The following TMEM200B variants were observed in gnomAD, a reference collection of about 807,000 sequenced individuals.
The protein encoded by TMEM200B is transmembrane protein 200B.
A neutral mutation model predicts 17.6 loss-of-function variants in TMEM200B; 12 were observed. That is an observed-to-expected ratio of 0.68 (90% CI 0.44 to 1.11). The LOEUF (loss-of-function observed/expected upper bound fraction) is 1.11. Ranked by LOEUF, TMEM200B falls within the 50% of genes least tolerant of loss-of-function variation. The pLI is 0.00. For synonymous variants in TMEM200B, 234 were observed against 209.2 expected (o/e 1.12, Z -1.02); for missense variants, 456 against 447.6 (o/e 1.02, Z -0.17).
intron 1 of TMEM200B, among the ~76,000 whole-genome samples, chr1:29,122,877 G>A (rs1671867763): frequency 6.6e-6 from 1 of 152,228 alleles, no homozygotes; most frequent in Non-Finnish European, 1.5e-5. Context: ...TGCTGGCCGC[G>A]CCCTGCCTGC....
At position 29,120,210 on chromosome 1, in the gene TMEM200B, C is replaced by T. The variant is rs1045206409; in HGVS notation, c.*695G>A. The T allele has an allele frequency of 6.6e-6, 1 of 152,592 alleles. No individual in the cohort carries two copies. The highest frequency in any genetic ancestry group is 2.4e-5 in the African/African-American group (1 of 41,422). The allele number at this position is 152,592 out of a possible 1,614,324, so 9.5% of individuals were successfully genotyped here. A position where few individuals can be genotyped will look rare whatever the true frequency, so the allele number is the denominator to read the frequency against. On this transcript the variant is annotated 3_prime_UTR_variant, in exon 2 of 2. Coordinates refer to ENST00000521452, the MANE Select transcript of TMEM200B (RefSeq NM_001003682.4). ...GAGTAAAGGGATTTCTGAGAGCTGG[C>T]CAATGCCTTTTGCCAGCTGCAGTGA...
chr1:29,123,122 C>T (rs1427381560), intron 1 of TMEM200B, among the ~76,000 whole-genome samples: 1 of 152,176 alleles, frequency 6.6e-6, no homozygotes, highest in Admixed American at 6.5e-5. Context: ...CCTTGCTCCC[C>T]GACCCACGCC....
rs531087020 is a variant in TMEM200B at position 29,121,080 on chromosome 1, G to T, written c.749C>A (p.Pro250Gln). ...GGAATGTTCAATGCAGGAGCCAGAC[G>T]GCTGCACGGTGATGATCACATGGCC... is the stretch of plus-strand genomic sequence containing the variant. ...QTGHVIITVQ[P>Q]SGSCIEHSKS... The change falls in exon 2 of 2, where the codon CCG becomes CAG. Residue 250 changes from proline (P) to glutamine (Q), a missense_variant. Physicochemically the swap from Pro to Gln is moderately conservative, Grantham distance 76 (BLOSUM62 -1). Transcript: ENST00000521452. This position sits in a 1 kb window ranked among gnomAD's most constrained non-coding sequence, Gnocchi z 5.6. 6.2e-7 allele frequency: 1 copy of T among 1,613,870 alleles called. No individual in the cohort carries two copies. The highest frequency in any genetic ancestry group is 1.1e-5 in the South Asian group (1 of 91,086).
At position 29,120,997 on chromosome 1, in the gene TMEM200B, A is replaced by T. The variant is rs149193014; in HGVS notation, c.832T>A (p.Cys278Ser). Reference sequence around the variant, plus strand: ...AGCCGTGGCCAGCTTCGGTGAGCACAGTCCCGAGCTGCTGGGGCCCCAAGG... The same window carrying T: ...AGCCGTGGCCAGCTTCGGTGAGCACTGTCCCGAGCTGCTGGGGCCCCAAGG... ...LLLGAPAARD[C>S]AHRSWPRLDR... Residue 278 changes from cysteine (C) to serine (S), a missense_variant, in exon 2 of 2, where the codon TGT (cysteine) becomes AGT (serine). Physicochemically the swap from Cys to Ser is moderately radical, Grantham distance 112 (BLOSUM62 -1). Coordinates refer to ENST00000521452, the MANE Select transcript of TMEM200B (RefSeq NM_001003682.4). 1.4e-4 allele frequency: 226 copies of T among 1,613,746 alleles called. 2 individuals are homozygous for T. The East Asian group carries it at 4.7e-3, about 33-fold the overall frequency.
chr1:29,121,367 G>A lies in TMEM200B; in HGVS notation c.462C>T (p.Ala154=). The A allele has an allele frequency of 1.3e-6, 2 of 1,553,816 alleles. No homozygotes were observed. The highest frequency in any genetic ancestry group is 1.2e-5 in the South Asian group (1 of 84,898). The stretch of plus-strand genomic sequence containing the variant: ...GGCCGTCGGGGGGCCGGAGCGCCTG[G>A]GCCCGCAGCACCCCCTGGCGGAGCC... The part of the protein sequence containing the change: ...TRRLRQGVLR[A]QALRPPDGPG... The change falls in exon 2 of 2, where the codon GCC becomes GCT. Residue 154 remains alanine (A), a synonymous_variant. Transcript: ENST00000521452. The surrounding 1 kb of genome is among the most constrained non-coding windows in gnomAD (Gnocchi z 5.6).
chr1:29,121,932 G>T lies in TMEM200B; in HGVS notation c.-20-84C>A. 9.8e-7 allele frequency: 1 copy of T among 1,018,200 alleles called. No homozygotes were observed. The highest frequency in any genetic ancestry group is 1.2e-6 in the Non-Finnish European group (1 of 824,828). The allele number at this position is 1,018,200 out of a possible 1,614,324, so 63.1% of individuals were successfully genotyped here. ...CAGGTTCGGGGCGCAAATCCGGGAGGGAAGCTCCGGCCGCCCAGCCCAGGC... is the reference window on the plus strand; with the variant it reads ...CAGGTTCGGGGCGCAAATCCGGGAGTGAAGCTCCGGCCGCCCAGCCCAGGC... On this transcript the variant is annotated intron_variant, in intron 1 of 1. Transcript: ENST00000521452. This position sits in a 1 kb window ranked among gnomAD's most constrained non-coding sequence, Gnocchi z 5.6.
In TMEM200B at chr1:29,121,729, G is replaced by C; in HGVS notation, c.100C>G (p.Arg34Gly). 1.7e-6 allele frequency: 2 copies of C among 1,205,230 alleles called. No homozygotes were observed. The highest frequency in any genetic ancestry group is 2.1e-6 in the Non-Finnish European group (2 of 971,500). 74.7% of individuals were successfully genotyped at this position (1,205,230 alleles called of 1,614,324 possible). A position where few individuals can be genotyped will look rare whatever the true frequency, so the allele number is the denominator to read the frequency against. Residue 34 changes from arginine (R) to glycine (G), a missense_variant, in exon 2 of 2, where the codon CGC becomes GGC. Transcript: ENST00000521452. This position sits in a 1 kb window ranked among gnomAD's most constrained non-coding sequence, Gnocchi z 5.6. ...ACCCGCAGAGGCTCGGGCGGGGAGC[G>C]CGGGCGCCGGCGGCGGCCCAGGCGG... ...GRRLGRRRRP[R>G]SPPEPLRVRA...
At chr1:29,123,226 C>T (rs191628796) in intron 1 of TMEM200B, among the ~76,000 whole-genome samples, 1 of 152,210 alleles carries the variant, frequency 6.6e-6, no homozygotes, top group African/African-American at 2.4e-5. Flanking sequence ...GCCACTCTCC[C>T]GCGTCCAAAG....
In TMEM200B at chr1:29,120,591, C is replaced by T. The variant is rs1671716902; in HGVS notation, c.*314G>A. 1.1e-5 allele frequency: 4 copies of T among 364,956 alleles called. No individual in the cohort carries two copies. The highest frequency in any genetic ancestry group is 2.0e-5 in the Non-Finnish European group (4 of 201,030). The allele number at this position is 364,956 out of a possible 1,614,324, so 22.6% of individuals were successfully genotyped here. ...GGGTTTGCCAAGACACTGGGTACAT[C>T]TCCCAGTCACCCTGGCCTGGACCTC... On this transcript the variant is annotated 3_prime_UTR_variant, in exon 2 of 2. Coordinates refer to ENST00000521452, the MANE Select transcript of TMEM200B (RefSeq NM_001003682.4).
Position 29,120,737 on chromosome 1 carries a change from C to T in TMEM200B, c.*168G>A. 1 of 854,656 alleles carries T rather than the reference C, an allele frequency of 1.2e-6. No homozygotes were observed. Among genetic ancestry groups the T allele is most frequent in the Non-Finnish European group, 1.8e-6 (1 of 563,124 alleles). 52.9% of individuals were successfully genotyped at this position (854,656 alleles called of 1,614,324 possible). On this transcript the variant is annotated 3_prime_UTR_variant, in exon 2 of 2. Coordinates refer to ENST00000521452, the MANE Select transcript of TMEM200B (RefSeq NM_001003682.4). Reference sequence around the variant, plus strand: ...CTGAGCCCTGGTGCAGCTGGCATTTCTCTGCCCGCATGCAGGTCAGGATGC... The same window carrying T: ...CTGAGCCCTGGTGCAGCTGGCATTTTTCTGCCCGCATGCAGGTCAGGATGC...
At chr1:29,123,014 G>A (rs1378786800) in intron 1 of TMEM200B, among the ~76,000 whole-genome samples, 1 of 152,232 alleles carries the variant, frequency 6.6e-6, no homozygotes, top group African/African-American at 2.4e-5. Flanking sequence ...AGGAGAGGAG[G>A]CTCAGGGCCT....
rs1671796658 is a variant in TMEM200B at position 29,121,732 on chromosome 1, G to A, written c.97C>T (p.Pro33Ser). 5.0e-6 allele frequency: 6 copies of A among 1,206,512 alleles called. No individual in the cohort carries two copies. The highest frequency in any genetic ancestry group is 6.2e-6 in the Non-Finnish European group (6 of 972,250). 74.7% of individuals were successfully genotyped at this position (1,206,512 alleles called of 1,614,324 possible). ...CGCAGAGGCTCGGGCGGGGAGCGCGGGCGCCGGCGGCGGCCCAGGCGGCGG... is the reference window on the plus strand; with the variant it reads ...CGCAGAGGCTCGGGCGGGGAGCGCGAGCGCCGGCGGCGGCCCAGGCGGCGG... The part of the protein sequence containing the change: ...LGRRLGRRRR[P>S]RSPPEPLRVR... The change falls in exon 2 of 2, where the codon CCG (proline) becomes TCG (serine). Residue 33 changes from proline (P) to serine (S), a missense_variant. By Grantham distance (74) the Pro-to-Ser change is moderately conservative. Coordinates refer to ENST00000521452, the MANE Select transcript of TMEM200B (RefSeq NM_001003682.4). This position sits in a 1 kb window ranked among gnomAD's most constrained non-coding sequence, Gnocchi z 5.6.
chr1:29,123,635 CTT>C (rs1438990522), intron 1 of TMEM200B, among the ~76,000 whole-genome samples: 1 of 152,096 alleles, frequency 6.6e-6, no homozygotes, highest in Non-Finnish European at 1.5e-5. Flanking sequence ...GAGGCGGAAA[CTT>C]GGGGACACAG....
At chr1:29,122,185 T>C (rs564673646) in intron 1 of TMEM200B, among the ~76,000 whole-genome samples, 1 of 152,246 alleles carries the variant, frequency 6.6e-6, no homozygotes, top group African/African-American at 2.4e-5. Context: ...CCGCGGGTCT[T>C]GGGCCTCGGG....
In TMEM200B at chr1:29,121,837, C is replaced by T. The variant is rs1404615137; in HGVS notation, c.-9G>A. ...GGGCTCCCGGCCGTCATCTCGCCGT[C>T]GTCTGGGCGCTCTGCGGAGAGAAGA... is the stretch of plus-strand genomic sequence containing the variant. On this transcript the variant is annotated 5_prime_UTR_variant, in exon 2 of 2. Transcript: ENST00000521452. This position sits in a 1 kb window ranked among gnomAD's most constrained non-coding sequence, Gnocchi z 5.6. 3.9e-6 allele frequency: 5 copies of T among 1,286,284 alleles called. No homozygotes were observed. Among genetic ancestry groups the T allele is most frequent in the Admixed American group, 3.2e-5 (1 of 31,408 alleles). The allele number at this position is 1,286,284 out of a possible 1,614,324, so 79.7% of individuals were successfully genotyped here.
chr1:29,123,120 C>T (rs1191039709), intron 1 of TMEM200B, among the ~76,000 whole-genome samples: 1 of 152,180 alleles, frequency 6.6e-6, no homozygotes, highest in African/African-American at 2.4e-5. Context: ...GGCCTTGCTC[C>T]CCGACCCACG....
Position 29,121,381 on chromosome 1 carries a change from C to T in TMEM200B, c.448G>A (p.Gly150Arg), listed in dbSNP as rs897120795. The T allele has an allele frequency of 1.9e-6, 3 of 1,547,686 alleles. No individual in the cohort carries two copies. The highest frequency in any genetic ancestry group is 2.6e-6 in the Non-Finnish European group (3 of 1,149,256). Residue 150 changes from glycine to arginine, a missense_variant, in exon 2 of 2, where the codon GGG becomes AGG. By Grantham distance (125) the Gly-to-Arg change is moderately radical. Transcript: ENST00000521452. The surrounding 1 kb of genome is among the most constrained non-coding windows in gnomAD (Gnocchi z 5.6). ...RDLETRRLRQ[G>R]VLRAQALRPP... Reference sequence around the variant, plus strand: ...CGGAGCGCCTGGGCCCGCAGCACCCCCTGGCGGAGCCGTCGCGTCTCCAAG... The same window carrying T: ...CGGAGCGCCTGGGCCCGCAGCACCCTCTGGCGGAGCCGTCGCGTCTCCAAG...
At chr1:29,122,025 C>T (rs1205092852) in intron 1 of TMEM200B, among the ~76,000 whole-genome samples, 177 bp from the exon 2 acceptor site, 1 of 152,122 alleles carries the variant, frequency 6.6e-6, no homozygotes, top group Admixed American at 6.5e-5. Flanking sequence ...CGCCCGCGCT[C>T]GGGTTTTCCG....
rs1671771022 is a variant in TMEM200B at position 29,121,387 on chromosome 1, G to A, written c.442C>T (p.Arg148Cys). The stretch of plus-strand genomic sequence containing the variant: ...GCCTGGGCCCGCAGCACCCCCTGGC[G>A]GAGCCGTCGCGTCTCCAAGTCTCGG... ...ENRDLETRRL[R>C]QGVLRAQALR... The change falls in exon 2 of 2, where the codon CGC (arginine) becomes TGC (cysteine). Residue 148 changes from arginine to cysteine, a missense_variant. By Grantham distance (180) the Arg-to-Cys change is radical. Transcript: ENST00000521452. The surrounding 1 kb of genome is among the most constrained non-coding windows in gnomAD (Gnocchi z 5.6). 1.9e-6 allele frequency: 3 copies of A among 1,545,936 alleles called. No homozygotes were observed. Among genetic ancestry groups the A allele is most frequent in the East Asian group, 4.9e-5 (2 of 41,136 alleles).
Sources: allele counts gnomAD v4.1 joint callset (sites outside exome capture counted in the v4.1 genomes callset), GRCh38; gene constraint gnomAD v4.1.1; non-coding constraint Gnocchi (gnomAD v3.1); transcripts MANE v1.5; gene names NCBI Gene and HGNC (gene_info 2026-07-23, HGNC 2026-07-21).